Variants in BACH2 observed in about 807,000 individuals in gnomAD.
The protein encoded by BACH2 is BACH transcriptional regulator 2.
A neutral mutation model predicts 61.8 loss-of-function variants in BACH2; 5 were observed. That is an observed-to-expected ratio of 0.08 (90% CI 0.04 to 0.17). BACH2 has a LOEUF of 0.17. BACH2 is among the 10% of genes least tolerant of loss of function. The pLI is 1.00. For missense variants in BACH2, 824 were observed against 1,091.1 expected, an observed-to-expected ratio of 0.76 and a Z score of 3.45; for synonymous variants, 446 against 440.1, an observed-to-expected ratio of 1.01 and a Z score of -0.17.
chr6:90,173,932 A>C (rs1767903417), intron 4 of BACH2, among the ~76,000 whole-genome samples: 1 of 152,208 alleles, frequency 6.6e-6, no homozygotes, highest in Non-Finnish European at 1.5e-5. Context: ...CTGGGGGAAG[A>C]ACTGCGTAGG....
Position 90,014,440 on chromosome 6 carries a change from GTATA to G in BACH2, c.-12-5588_-12-5585del, listed in dbSNP as rs1201471150. Among the ~76,000 whole-genome samples the G allele has an allele frequency of 1.3e-3, 61 of 48,026 alleles. 1 individual carries two copies. Among genetic ancestry groups the G allele is most frequent in the African/African-American group, 1.7e-3 (16 of 9,432 alleles). The allele number at this position is 48,026 out of a possible 152,430, so 31.5% of individuals were successfully genotyped here. On this transcript the variant is annotated intron_variant, in intron 5 of 8. Transcript: ENST00000257749. ...TAAAATTGTGTGTGTGTGTGTGTGT[GTATA>G]TATATATATATATATATATATATAT...
At chr6:90,103,030 T>TATATATATATATA (rs371402979) in intron 4 of BACH2, among the ~76,000 whole-genome samples, 3 of 20,382 alleles carry the variant, frequency 1.5e-4, no homozygotes, top group Middle Eastern at 0.029. Context: ...TATATATATA[T>TATATATATATATA]TTTTTTTTTT....
At chr6:90,271,162 C>T (rs923404194) in intron 2 of BACH2, among the ~76,000 whole-genome samples, 2 of 151,794 alleles carry the variant, frequency 1.3e-5, no homozygotes, top group African/African-American at 4.8e-5. Flanking sequence ...TTGGCTTAGG[C>T]AAAAAGTTCA....
intron 5 of BACH2, chr6:90,080,730 C>T (rs958437448): frequency 1.3e-5 from 13 of 982,234 alleles, no homozygotes; most frequent in African/African-American, 1.1e-4. Context: ...AAACAAAAGG[C>T]GTCAACCCTG....
chr6:90,157,557 T>C (rs749574446), intron 4 of BACH2, among the ~76,000 whole-genome samples: 1 of 152,206 alleles, frequency 6.6e-6, no homozygotes, highest in African/African-American at 2.4e-5. Flanking sequence ...GCCTGGGTTC[T>C]TTCCATCTTT....
chr6:90,072,062 T>C (rs1385904336), intron 5 of BACH2, among the ~76,000 whole-genome samples: 1 of 152,080 alleles, frequency 6.6e-6, no homozygotes, highest in Non-Finnish European at 1.5e-5. Flanking sequence ...GTAACTTCTA[T>C]CGAGAAAAAA....
At chr6:90,106,874 C>G (rs1782943690) in intron 4 of BACH2, among the ~76,000 whole-genome samples, 1 of 152,174 alleles carries the variant, frequency 6.6e-6, no homozygotes, top group Non-Finnish European at 1.5e-5. Flanking sequence ...TACAGGGCAA[C>G]CAGAGGAAGG....
rs397885211 is a variant in BACH2, at chr6:89,930,228, CTTTTTTTTTT to C, written c.*2170_*2179del. On this transcript the variant is annotated 3_prime_UTR_variant, in exon 9 of 9. Transcript: ENST00000257749. ...AGTGGAACTGTTTAAAAAGAAAAGC[CTTTTTTTTTT>C]TTTTTTTTTTTTTTTTATCCTACTG... is the stretch of plus-strand genomic sequence containing the variant. 3.7e-4 allele frequency: 20 copies of C among 53,446 alleles called. No homozygotes were observed. Among genetic ancestry groups the C allele is most frequent in the African/African-American group, 8.8e-4 (12 of 13,672 alleles). 3.3% of individuals were successfully genotyped at this position (53,446 alleles called of 1,614,324 possible).
intron 4 of BACH2, among the ~76,000 whole-genome samples, chr6:90,172,777 T>TGAG (rs1462108296): frequency 5.3e-5 from 8 of 152,050 alleles, no homozygotes; most frequent in African/African-American, 1.9e-4. Flanking sequence ...AGCGATGATC[T>TGAG]GAGAAGAAGA....
intron 1 of BACH2, among the ~76,000 whole-genome samples, 182 bp from the exon 2 acceptor site, chr6:90,272,123 G>A (rs1582554834): frequency 6.6e-6 from 1 of 152,054 alleles, no homozygotes; most frequent in East Asian, 1.9e-4. Flanking sequence ...AGACTTTAAT[G>A]CAACTGGATT....
intron 5 of BACH2, among the ~76,000 whole-genome samples, chr6:90,024,137 T>A (rs1778515429): frequency 7.4e-6 from 1 of 134,582 alleles, no homozygotes; most frequent in Non-Finnish European, 1.5e-5. Flanking sequence ...CTTTTCTACA[T>A]CTACTATATA....
chr6:90,131,021 G>C (rs1447430720), intron 4 of BACH2, among the ~76,000 whole-genome samples: 1 of 152,118 alleles, frequency 6.6e-6, no homozygotes, highest in Non-Finnish European at 1.5e-5. Flanking sequence ...TCTTTTAGTG[G>C]GAAGAGTCAC....
chr6:90,156,122 G>C (rs997136963), intron 4 of BACH2, among the ~76,000 whole-genome samples: 4 of 152,120 alleles, frequency 2.6e-5, no homozygotes, highest in Non-Finnish European at 5.9e-5. Context: ...ATGTGCATGG[G>C]GCCCAACCTC....
chr6:90,296,294 T>C (rs1027023002), intron 1 of BACH2, among the ~76,000 whole-genome samples, 186 bp downstream of exon 1: 3 of 151,142 alleles, frequency 2.0e-5, no homozygotes, highest in Admixed American at 6.6e-5. Context: ...CCCCTTCCCG[T>C]TCCTAGAAAA....
intron 3 of BACH2, among the ~76,000 whole-genome samples, chr6:90,208,653 C>T (rs1052364334): frequency 3.9e-5 from 6 of 152,158 alleles, no homozygotes; most frequent in African/African-American, 1.4e-4. Context: ...GGTGATTCCT[C>T]AAGGATCTAG....
At chr6:90,243,242 C>G (rs571661503) in intron 3 of BACH2, among the ~76,000 whole-genome samples, 87 of 151,950 alleles carry the variant, frequency 5.7e-4, no homozygotes, top group African/African-American at 2.0e-3. Flanking sequence ...AATAACTAGT[C>G]GCAAGGATCG....
Position 90,253,893 on chromosome 6 carries a change from C to CT in BACH2, c.-352-1304dup, listed in dbSNP as rs1282869300. Among the ~76,000 whole-genome samples the CT allele has an allele frequency of 2.1e-5, 3 of 139,648 alleles. No homozygotes were observed. In the Admixed American group the frequency reaches 2.2e-4, roughly 10 times the overall value. The allele number at this position is 139,648 out of a possible 152,430, so 91.6% of individuals were successfully genotyped here. On this transcript the variant is annotated intron_variant, in intron 2 of 8. Transcript: ENST00000257749. ...CATAAATGAAAACATCATTGCCGAA[C>CT]TATTTTTTTTAAACTATCATGGCAC...
At chr6:90,292,188 CAGATT>C (rs942209227) in intron 1 of BACH2, among the ~76,000 whole-genome samples, 2 of 152,132 alleles carry the variant, frequency 1.3e-5, no homozygotes, top group African/African-American at 4.8e-5. Context: ...GCACTATATT[CAGATT>C]AAGTTCATTC....
chr6:90,029,727 T>G (rs1465434835), intron 5 of BACH2, among the ~76,000 whole-genome samples: 2 of 152,240 alleles, frequency 1.3e-5, no homozygotes, highest in African/African-American at 4.8e-5. Flanking sequence ...CTGTTTCTGC[T>G]GAGGTCTCCT....
Sources: allele counts gnomAD v4.1 joint callset (sites outside exome capture counted in the v4.1 genomes callset), GRCh38; gene constraint gnomAD v4.1.1; transcripts MANE v1.5; gene names NCBI Gene and HGNC (gene_info 2026-07-23, HGNC 2026-07-21).